ISY1: variants seen among roughly 807,000 people sequenced by gnomAD.
The protein encoded by ISY1 is ISY1 spliceosome associated protein.
In ISY1, 12 loss-of-function variants were observed where a neutral mutation model predicts 54.4. The observed-to-expected ratio is 0.22, with a 90% CI of 0.14 to 0.36. The LOEUF is 0.36. Ranked by LOEUF, ISY1 falls within the 10% of genes least tolerant of loss-of-function variation. ISY1 has a pLI of 1.00. For synonymous variants in ISY1, 96 were observed against 117.9 expected, an observed-to-expected ratio of 0.81 and a Z score of 1.20; for missense variants, 282 against 342.2, an observed-to-expected ratio of 0.82 and a Z score of 1.39.
chr3:129,157,912 G>C (rs572042648), intron 3 of ISY1, among the ~76,000 whole-genome samples: 41 of 152,136 alleles, frequency 2.7e-4, no homozygotes, highest in African/African-American at 9.4e-4. Flanking sequence ...TTGACCTGGA[G>C]TGCAGCAGCG....
chr3:129,131,094 G>A (rs1936224764), intron 9 of ISY1, among the ~76,000 whole-genome samples: 1 of 152,188 alleles, frequency 6.6e-6, no homozygotes, highest in Admixed American at 6.5e-5. Flanking sequence ...AAGAGAGAAG[G>A]GGTCTTGTGG....
intron 7 of ISY1, among the ~76,000 whole-genome samples, chr3:129,139,635 T>A (rs1484450664): frequency 6.6e-6 from 1 of 150,816 alleles, no homozygotes; most frequent in African/African-American, 2.4e-5. Context: ...CAAAAGTAGC[T>A]CCACTTTTCT....
chr3:129,136,331 A>C (rs1383216002), intron 7 of ISY1, among the ~76,000 whole-genome samples: 1 of 152,016 alleles, frequency 6.6e-6, no homozygotes, highest in African/African-American at 2.4e-5. Context: ...CGAACTCCTG[A>C]CCTCAGGTGA....
At chr3:129,157,122 T>C (rs1027144274) in intron 3 of ISY1, among the ~76,000 whole-genome samples, 1 of 152,200 alleles carries the variant, frequency 6.6e-6, no homozygotes, top group African/African-American at 2.4e-5. Context: ...GTATTTAATA[T>C]TGGAAAGAAC....
intron 5 of ISY1, among the ~76,000 whole-genome samples, chr3:129,149,805 A>AAAAAAAAAAAG (rs1553783043): frequency 5.8e-4 from 35 of 59,850 alleles, no homozygotes; most frequent in Non-Finnish European, 8.8e-4. Context: ...AAAAAAAAAA[A>AAAAAAAAAAAG]AAAGAAAGAA....
At chr3:129,142,842 G>T (rs1321891714) in intron 6 of ISY1, among the ~76,000 whole-genome samples, 1 of 152,164 alleles carries the variant, frequency 6.6e-6, no homozygotes, top group Non-Finnish European at 1.5e-5. Flanking sequence ...ATCACCTGAG[G>T]TAGGGAGTTC....
chr3:129,137,323 G>T, intron 7 of ISY1: 1 of 514,718 alleles, frequency 1.9e-6, no homozygotes, highest in Non-Finnish European at 2.5e-6. Context: ...CTCTATCTGT[G>T]CTATTTGAAT....
intron 5 of ISY1, among the ~76,000 whole-genome samples, chr3:129,148,930 AT>A (rs1936852134): frequency 1.3e-5 from 2 of 152,136 alleles, no homozygotes; most frequent in African/African-American, 4.8e-5. Context: ...AACAAATTAT[AT>A]TTTCTAATCG....
intron 9 of ISY1, among the ~76,000 whole-genome samples, chr3:129,133,107 A>G (rs1936281263): frequency 1.3e-5 from 2 of 152,292 alleles, no homozygotes; most frequent in African/African-American, 4.8e-5. Context: ...GGAGGCAGAG[A>G]TTTCAAATGT....
At chr3:129,140,518 TGTTAGTTA>T (rs377695484) in intron 6 of ISY1, 33 bp from the exon 7 acceptor site, 7 of 1,563,310 alleles carry the variant, frequency 4.5e-6, no homozygotes, top group African/African-American at 1.4e-5. Flanking sequence ...AAAATGGATC[TGTTAGTTA>T]GTTAGTTAGT....
chr3:129,155,297 C>T (rs978900041), intron 5 of ISY1, among the ~76,000 whole-genome samples: 18 of 151,852 alleles, frequency 1.2e-4, no homozygotes, highest in Non-Finnish European at 1.6e-4. Context: ...CGGGTTCAAG[C>T]GATTCTCCTG....
chr3:129,141,347 CA>C (rs1248735680), intron 6 of ISY1, among the ~76,000 whole-genome samples: 2 of 151,980 alleles, frequency 1.3e-5, no homozygotes, highest in Non-Finnish European at 2.9e-5. Context: ...GGCAACATGG[CA>C]AAACCCTGTC....
chr3:129,153,941 C>T lies in ISY1; in HGVS notation c.187+2692G>A, dbSNP rs540867489. Among the ~76,000 whole-genome samples, 8 of 151,866 alleles carry T rather than the reference C, an allele frequency of 5.3e-5. No individual in the cohort carries two copies. In the South Asian group the frequency reaches 1.7e-3, roughly 32 times the overall value. ...TCAACATGGTGAAACCCTGTCTCTA[C>T]TAAAAAATTACAAAAATTTGGCTGG... is the stretch of plus-strand genomic sequence containing the variant. On this transcript the variant is annotated intron_variant, in intron 5 of 10. Transcript: ENST00000393295.
At chr3:129,157,411 G>C (rs562575478) in intron 3 of ISY1, among the ~76,000 whole-genome samples, 100 of 152,216 alleles carry the variant, frequency 6.6e-4, no homozygotes, top group Non-Finnish European at 1.2e-3. Flanking sequence ...CAATATTAGA[G>C]CTGGAGTAAT....
intron 5 of ISY1, among the ~76,000 whole-genome samples, 176 bp downstream of exon 5, chr3:129,156,457 A>G (rs992410004): frequency 6.6e-6 from 1 of 151,844 alleles, no homozygotes; most frequent in East Asian, 1.9e-4. Flanking sequence ...TGTGAGACAG[A>G]GTATTCTACA....
chr3:129,158,025 A>G (rs1937195712), intron 3 of ISY1, among the ~76,000 whole-genome samples: 2 of 150,994 alleles, frequency 1.3e-5, no homozygotes, highest in Admixed American at 1.3e-4. Context: ...TGCCCAGCTA[A>G]TTTTTGTATT....
chr3:129,160,918 G>GGCCCCGGGGGGGGGGGGGGCCCCCCC, intron 1 of ISY1, 55 bp downstream of exon 1: 1 of 666,128 alleles, frequency 1.5e-6, no homozygotes, highest in Non-Finnish European at 2.7e-6. Context: ...TGGACTGGGC[G>GGCCCCGGGGGGGGGGGGGGCCCCCCC]CCCCCCCGCC....
At position 129,130,545 on chromosome 3, in the gene ISY1, C is replaced by G; in HGVS notation, c.750+5G>C. 1.9e-6 allele frequency: 3 copies of G among 1,614,022 alleles called. No homozygotes were observed. Among genetic ancestry groups the G allele is most frequent in the Non-Finnish European group, 2.5e-6 (3 of 1,179,970 alleles). Reference sequence around the variant, plus strand: ...CGCCCAGGCAGCTCTTAGCTGTGGTCCTACCTCTTGCTGCGAGGGAACAGG... The same window carrying G: ...CGCCCAGGCAGCTCTTAGCTGTGGTGCTACCTCTTGCTGCGAGGGAACAGG... On this transcript the variant is annotated splice_donor_5th_base_variant and intron_variant, in intron 10 of 10. Transcript: ENST00000393295.
chr3:129,152,258 C>CT (rs976849279), intron 5 of ISY1, among the ~76,000 whole-genome samples: 3 of 152,118 alleles, frequency 2.0e-5, no homozygotes, highest in Non-Finnish European at 4.4e-5. Flanking sequence ...TTGTCAAATA[C>CT]TTTTTCTGCA....
Sources: gnomAD v4.1 joint callset for allele counts (sites outside exome capture counted in the v4.1 genomes callset) on GRCh38, gnomAD v4.1.1 for gene constraint, MANE v1.5 for transcripts, NCBI Gene and HGNC (gene_info 2026-07-23, HGNC 2026-07-21) for gene names.